ARSD: variants seen among roughly 807,000 people sequenced by gnomAD.
ARSD encodes testis tissue sperm-binding protein Li 39a.
Under a neutral mutation model 32.6 loss-of-function variants are expected in ARSD, and 21 were observed. The observed-to-expected ratio is 0.64, with a 90% confidence interval of 0.46 to 0.93. The LOEUF (loss-of-function observed/expected upper bound fraction) is 0.93. Ranked by LOEUF, ARSD falls within the 40% of genes least tolerant of loss-of-function variation. ARSD has a pLI of 0.00. For synonymous variants in ARSD, 224 were observed against 237.4 expected (o/e 0.94, Z 0.52); for missense variants, 454 against 520.9 (o/e 0.87, Z 1.25).
chrX:2,914,042 C>G lies in ARSD; in HGVS notation c.1000+1514G>C, dbSNP rs2088927380. On this transcript the variant is annotated intron_variant, in intron 6 of 9. Coordinates refer to ENST00000381154, the MANE Select transcript of ARSD (RefSeq NM_001669.4). ...CCCAGAAGCAGATGCTGCCATGCTTCCTGTGCAGCCTGCAGAACCGTGAGC... is the reference window on the plus strand; with the variant it reads ...CCCAGAAGCAGATGCTGCCATGCTTGCTGTGCAGCCTGCAGAACCGTGAGC... 8.3e-6 allele frequency: 5 copies of G among 600,872 alleles called. No individual in the cohort carries two copies. In the South Asian group the frequency reaches 4.1e-4, roughly 50 times the overall value. 49.5% of individuals were successfully genotyped at this position (600,872 alleles called of 1,213,427 possible). A position where few individuals can be genotyped will look rare whatever the true frequency, so the allele number is the denominator to read the frequency against.
rs779415969 is a variant in ARSD, at chrX:2,909,833, C to T, written c.1282G>A (p.Glu428Lys). The T allele has an allele frequency of 9.1e-6, 11 of 1,205,865 alleles. No individual in the cohort carries two copies. The highest frequency in any genetic ancestry group is 2.3e-4 in the Middle Eastern group (1 of 4,363). Residue 428 changes from glutamate to lysine, a missense_variant, in exon 8 of 10, where the codon GAG becomes AAG. This residue lies in a region of ARSD where 179 missense variants were observed against 198.5 expected (regional missense o/e 0.90). Transcript: ENST00000381154. ...TCCACGTACCTGTCCTGGGGCACCT[C>T]GCCACCCACCAGCTGGACCACAGTA... Reference protein sequence around the residue: ...FPTVVQLVGGEVPQDRVIDGH... With the variant: ...FPTVVQLVGGKVPQDRVIDGH...
At position 2,928,369 on chromosome X, in the gene ARSD, G is replaced by T. The variant is rs746064916; in HGVS notation, c.44+863C>A. On this transcript the variant is annotated intron_variant, in intron 1 of 9. Coordinates refer to ENST00000381154, the MANE Select transcript of ARSD (RefSeq NM_001669.4). ...CCCAATGAAGCCCACGGGGGGGAAAGGGGCGTGTCTTACCGAGCGTGTTGG... is the reference window on the plus strand; with the variant it reads ...CCCAATGAAGCCCACGGGGGGGAAATGGGCGTGTCTTACCGAGCGTGTTGG... 4.2e-5 allele frequency among the ~76,000 whole-genome samples: 4 copies of T among 94,773 alleles called. No individual in the cohort carries two copies. The East Asian group carries it at 1.4e-3, about 33-fold the overall frequency. The allele number at this position is 94,773 out of a possible 115,157, so 82.3% of individuals were successfully genotyped here. A position where few individuals can be genotyped will look rare whatever the true frequency, so the allele number is the denominator to read the frequency against.
intron 5 of ARSD, 27 bp downstream of exon 5, chrX:2,917,774 TCTC>T (rs2088978018): frequency 3.4e-6 from 4 of 1,179,769 alleles, no homozygotes; most frequent in Non-Finnish European, 4.6e-6. Context: ...TCCGGCCCCA[TCTC>T]CTCTTTAAGA....
intron 6 of ARSD, among the ~76,000 whole-genome samples, chrX:2,912,312 C>G (rs2088908949): frequency 9.0e-6 from 1 of 111,572 alleles, no homozygotes; most frequent in Admixed American, 9.6e-5. Context: ...CAGATAATAA[C>G]TCAACCACCT....
chrX:2,918,290 A>T, intron 4 of ARSD, 63 bp from the exon 5 acceptor site: 2 of 1,044,824 alleles, frequency 1.9e-6, no homozygotes, highest in Non-Finnish European at 2.5e-6. Context: ...GCTGCAAAGA[A>T]CCTCGGAATC....
At chrX:2,918,331 C>T in intron 4 of ARSD, 104 bp from the exon 5 acceptor site, 1 of 814,084 alleles carries the variant, frequency 1.2e-6, no homozygotes, top group Non-Finnish European at 1.7e-6. Flanking sequence ...GAAAAGTCTG[C>T]AAAGAGCAAA....
intron 6 of ARSD, chrX:2,914,075 A>G (rs1262040372): frequency 1.4e-6 from 1 of 700,698 alleles, no homozygotes; most frequent in African/African-American, 2.4e-5. Context: ...AGCCAATCCA[A>G]CCTCTTTTCT....
rs1388537010 is a variant in ARSD at position 2,905,075 on chromosome X, G to A, written c.*2196C>T. On this transcript the variant is annotated 3_prime_UTR_variant, in exon 10 of 10. Transcript: ENST00000381154. ...CCAACAGATGCCCCTGTAGGATTTGGACACAGGGAGCCAGGGGAGAGGGGC... is the reference window on the plus strand; with the variant it reads ...CCAACAGATGCCCCTGTAGGATTTGAACACAGGGAGCCAGGGGAGAGGGGC... The A allele has an allele frequency of 8.9e-6, 3 of 338,028 alleles. No individual in the cohort carries two copies. Among genetic ancestry groups the A allele is most frequent in the African/African-American group, 8.1e-5 (3 of 37,030 alleles). 27.9% of individuals were successfully genotyped at this position (338,028 alleles called of 1,213,427 possible). A position where few individuals can be genotyped will look rare whatever the true frequency, so the allele number is the denominator to read the frequency against.
intron 2 of ARSD, chrX:2,923,071 T>G (rs2089047488): frequency 1.4e-5 from 2 of 144,675 alleles, no homozygotes; most frequent in Admixed American, 1.8e-4. Flanking sequence ...TCTATAGAGA[T>G]GGAAAGTATA....
Position 2,929,290 on chromosome X carries a change from C to A in ARSD, c.-15G>T, listed in dbSNP as rs924725823. ...GCGGATCGCATGGCCGAGCGCTGGC[C>A]CAGAGCGCAGGACCTTGCCCTGCGC... On this transcript the variant is annotated 5_prime_UTR_variant, in exon 1 of 10. Transcript: ENST00000381154. 2.0e-6 allele frequency: 2 copies of A among 997,717 alleles called. No homozygotes were observed. Among genetic ancestry groups the A allele is most frequent in the Non-Finnish European group, 2.5e-6 (2 of 795,188 alleles). The allele number at this position is 997,717 out of a possible 1,213,427, so 82.2% of individuals were successfully genotyped here. A position where few individuals can be genotyped will look rare whatever the true frequency, so the allele number is the denominator to read the frequency against.
chrX:2,920,381 T>A lies in ARSD; in HGVS notation c.439+220A>T, dbSNP rs773159067. On this transcript the variant is annotated intron_variant, in intron 4 of 9. Coordinates refer to ENST00000381154, the MANE Select transcript of ARSD (RefSeq NM_001669.4). ...AAAACGGGATCTTTTTTTTTTTTTT[T>A]ATTCTTTGAGACAGAGTCTCGCTTT... 434 of 374,981 alleles carry A rather than the reference T, an allele frequency of 1.2e-3. 4 individuals are homozygous for A. The highest frequency in any genetic ancestry group is 9.7e-3 in the African/African-American group (369 of 38,184). The allele number at this position is 374,981 out of a possible 1,213,427, so 30.9% of individuals were successfully genotyped here.
intron 6 of ARSD, among the ~76,000 whole-genome samples, chrX:2,911,400 G>A (rs901779243): frequency 9.1e-6 from 1 of 110,013 alleles, no homozygotes; most frequent in Non-Finnish European, 1.9e-5. Context: ...GCCAGGTGTG[G>A]TGGCTCACGC....
intron 1 of ARSD, among the ~76,000 whole-genome samples, chrX:2,927,296 G>T: frequency 9.5e-6 from 1 of 105,422 alleles, no homozygotes; most frequent in Middle Eastern, 4.9e-3. Context: ...TTTCACTCTT[G>T]TCGCCCAGGC....
intron 6 of ARSD, chrX:2,914,120 A>G (rs909944933): frequency 1.5e-5 from 11 of 750,583 alleles, no homozygotes; most frequent in Non-Finnish European, 1.7e-5. Context: ...TTTCTTTGCA[A>G]GAATGGACTA....
intron 5 of ARSD, among the ~76,000 whole-genome samples, chrX:2,916,115 G>C (rs1429242031): frequency 1.3e-5 from 1 of 79,747 alleles, no homozygotes; most frequent in African/African-American, 5.3e-5. Flanking sequence ...ATGGGTGACA[G>C]AGCCAGACCC....
chrX:2,928,762 C>A (rs995257776), intron 1 of ARSD, among the ~76,000 whole-genome samples: 3 of 69,317 alleles, frequency 4.3e-5, no homozygotes, highest in African/African-American at 1.8e-4. Context: ...CGGGACGGGG[C>A]GCGTCTTAGT....
In ARSD at chrX:2,907,565, G is replaced by T; in HGVS notation, c.1488C>A (p.Tyr496Ter). Residue 496 changes from tyrosine to a stop codon, truncating the protein, a stop_gained, in exon 10 of 10, where the codon TAC becomes TAA. Transcript: ENST00000381154. LOFTEE classifies it low-confidence loss of function (END_TRUNC). ...CGGAGCATGGGCAGACGCCTCGGCC[G>T]TAGCAGGCCCCCGCTCCCTCGGGGT... ...QFHPEGAGAC[Y>*]GRGVCPCSGE... 8.7e-7 allele frequency: 1 copy of T among 1,149,543 alleles called. No homozygotes were observed. The highest frequency in any genetic ancestry group is 1.2e-6 in the Non-Finnish European group (1 of 863,469). The allele number at this position is 1,149,543 out of a possible 1,213,427, so 94.7% of individuals were successfully genotyped here. A position where few individuals can be genotyped will look rare whatever the true frequency, so the allele number is the denominator to read the frequency against.
chrX:2,916,131 C>CAAAAA lies in ARSD; in HGVS notation c.864-444_864-440dup, dbSNP rs55848346. Among the ~76,000 whole-genome samples, 42 of 38,162 alleles carry CAAAAA rather than the reference C, an allele frequency of 1.1e-3. 1 individual carries two copies. The highest frequency in any genetic ancestry group is 1.5e-3 in the African/African-American group (14 of 9,224). The allele number at this position is 38,162 out of a possible 115,157, so 33.1% of individuals were successfully genotyped here. A position where few individuals can be genotyped will look rare whatever the true frequency, so the allele number is the denominator to read the frequency against. On this transcript the variant is annotated intron_variant, in intron 5 of 9. Coordinates refer to ENST00000381154, the MANE Select transcript of ARSD (RefSeq NM_001669.4). ...TGGGTGACAGAGCCAGACCCTGTCTCAAAAAAAAAAAAAAAAAAAAAGAAT... is the reference window on the plus strand; with the variant it reads ...TGGGTGACAGAGCCAGACCCTGTCTCAAAAAAAAAAAAAAAAAAAAAAAAAAGAAT...
chrX:2,922,219 C>G (rs1191576353), intron 2 of ARSD, among the ~76,000 whole-genome samples, 195 bp from the exon 3 acceptor site: 1 of 110,284 alleles, frequency 9.1e-6, no homozygotes, highest in Non-Finnish European at 1.9e-5. Flanking sequence ...TGACATCTCT[C>G]TCTCTCTCTC....
Sources: allele counts gnomAD v4.1 joint callset (sites outside exome capture counted in the v4.1 genomes callset), GRCh38; gene constraint gnomAD v4.1.1; regional missense constraint gnomAD v4.1.1; transcripts MANE v1.5; gene names NCBI Gene and HGNC (gene_info 2026-07-23, HGNC 2026-07-21).